Variants in LRRK2 observed in about 807,000 individuals in gnomAD.
LRRK2 encodes the protein leucine-rich repeat serine/threonine-protein kinase 2.
In LRRK2, 203 loss-of-function variants were observed where a neutral mutation model predicts 302.6. That is an observed-to-expected ratio of 0.67 (90% CI 0.60 to 0.75). The LOEUF (loss-of-function observed/expected upper bound fraction) is 0.75, where lower values mean the gene tolerates loss of function less well. LRRK2 is among the 30% of genes least tolerant of loss of function. LRRK2 has a pLI of 0.00. For missense variants in LRRK2, 2,830 were observed against 2,951.0 expected, an observed-to-expected ratio of 0.96 and a Z score of 0.95; for synonymous variants, 1,066 against 1,031.9, an observed-to-expected ratio of 1.03 and a Z score of -0.63.
At chr12:40,303,367 C>A (rs1305001955) in intron 26 of LRRK2, among the ~76,000 whole-genome samples, 1 of 152,098 alleles carries the variant, frequency 6.6e-6, no homozygotes, top group Non-Finnish European at 1.5e-5. Context: ...TTAATTGGAT[C>A]TTGAGTGTGT....
rs769368344 is a variant in LRRK2, at chr12:40,286,056, A to G, written c.2501-1295A>G. Among the ~76,000 whole-genome samples, 3 of 151,982 alleles carry G rather than the reference A, an allele frequency of 2.0e-5. No individual in the cohort carries two copies. The East Asian group carries it at 5.8e-4, about 29-fold the overall frequency. On this transcript the variant is annotated intron_variant, in intron 19 of 50. Transcript: ENST00000298910. ...TCCGATGGAGAGGAATTGTGGGCCCATTGGAGAGGGACAGAGGGAGATTTA... is the reference window on the plus strand; with the variant it reads ...TCCGATGGAGAGGAATTGTGGGCCCGTTGGAGAGGGACAGAGGGAGATTTA...
chr12:40,287,272 G>T lies in LRRK2; in HGVS notation c.2501-79G>T, dbSNP rs183838704. Reference sequence around the variant, plus strand: ...ATATTCTCCAGAAGCATAGCAATACGTAAGAACTTTGGTCCTATGTATGTT... The same window carrying T: ...ATATTCTCCAGAAGCATAGCAATACTTAAGAACTTTGGTCCTATGTATGTT... On this transcript the variant is annotated intron_variant, in intron 19 of 50. Transcript: ENST00000298910. 13 of 1,258,642 alleles carry T rather than the reference G, an allele frequency of 1.0e-5. No homozygotes were observed. The African/African-American group carries it at 1.3e-4, about 13-fold the overall frequency. 78.0% of individuals were successfully genotyped at this position (1,258,642 alleles called of 1,614,324 possible). A position where few individuals can be genotyped will look rare whatever the true frequency, so the allele number is the denominator to read the frequency against.
rs755655053 is a variant in LRRK2 at position 40,253,004 on chromosome 12, T to C, written c.1276T>C (p.Leu426=). 6.2e-7 allele frequency: 1 copy of C among 1,610,160 alleles called. No homozygotes were observed. Among genetic ancestry groups the C allele is most frequent in the South Asian group, 1.1e-5 (1 of 90,994 alleles). The change falls in exon 11 of 51, where the codon TTA becomes CTA. Residue 426 remains leucine, a synonymous_variant. Coordinates refer to ENST00000298910, the MANE Select transcript of LRRK2 (RefSeq NM_198578.4). The stretch of plus-strand genomic sequence containing the variant: ...ATCTGCGAATGCATTGTCAACTCTC[T>C]TAGAACAAAATGGTAAGCAGTGGGC... ...QASANALSTL[L]EQNVNFRKIL...
At chr12:40,353,406 C>T (rs1363239192) in intron 44 of LRRK2, among the ~76,000 whole-genome samples, 3 of 151,134 alleles carry the variant, frequency 2.0e-5, no homozygotes, top group South Asian at 2.1e-4. Flanking sequence ...CAGAGGCGCT[C>T]CCCACATCTC....
rs1448197169 is a variant in LRRK2, at chr12:40,346,685, T to C, written c.6110-68T>C. The C allele has an allele frequency of 4.9e-6, 7 of 1,442,162 alleles. No homozygotes were observed. The East Asian group carries it at 1.4e-4, about 28-fold the overall frequency. 89.3% of individuals were successfully genotyped at this position (1,442,162 alleles called of 1,614,324 possible). On this transcript the variant is annotated intron_variant, in intron 41 of 50. Transcript: ENST00000298910. The stretch of plus-strand genomic sequence containing the variant: ...TCTCTTATTTGGCATATAGCCTAAG[T>C]GTATGCCTCCTTGGATGTATGAGCC...
chr12:40,353,733 G>T (rs1444414019), intron 44 of LRRK2, among the ~76,000 whole-genome samples: 3 of 152,246 alleles, frequency 2.0e-5, no homozygotes, highest in African/African-American at 7.2e-5. Context: ...TGCAATCCCG[G>T]CACCTCGGGA....
At chr12:40,351,429 A>C (rs1033687409) in intron 43 of LRRK2, 110 bp from the exon 44 acceptor site, 7 of 939,392 alleles carry the variant, frequency 7.5e-6, no homozygotes, top group Non-Finnish European at 1.2e-5. Context: ...CCAGTTTAAC[A>C]GTTTTAGGTT....
At position 40,299,204 on chromosome 12, in the gene LRRK2, T is replaced by C. The variant is rs774993871; in HGVS notation, c.3443T>C (p.Phe1148Ser). The change falls in exon 25 of 51, where the codon TTT becomes TCT. Residue 1148 changes from phenylalanine to serine, a missense_variant. Physicochemically the swap from Phe to Ser is radical, Grantham distance 155. Around this residue, in one of 3 missense-constraint regions of LRRK2, gnomAD observed 2,121 missense variants for 2,148.0 expected, o/e 0.99. Coordinates refer to ENST00000298910, the MANE Select transcript of LRRK2 (RefSeq NM_198578.4). The part of the protein sequence containing the change: ...KNHISSLSEN[F>S]LEACPKVESF... ...CACATTTCATCCCTATCAGAGAACT[T>C]TCTTGAGGCTTGTCCTAAAGTGGAG... 5 of 1,613,690 alleles carry C rather than the reference T, an allele frequency of 3.1e-6. No homozygotes were observed. The highest frequency in any genetic ancestry group is 4.2e-6 in the Non-Finnish European group (5 of 1,179,822).
rs1000099362 is a variant in LRRK2, at chr12:40,308,956, C to T, written c.4190-150C>T. On this transcript the variant is annotated intron_variant, in intron 29 of 50. Coordinates refer to ENST00000298910, the MANE Select transcript of LRRK2 (RefSeq NM_198578.4). ...AAAAGTGGTCAATCCTAGTAAAAAC[C>T]CAGAATAGTTCTCTAAACATGGTCT... 5.1e-6 allele frequency: 5 copies of T among 986,312 alleles called. No homozygotes were observed. The South Asian group carries it at 8.3e-5, about 16-fold the overall frequency. The allele number at this position is 986,312 out of a possible 1,614,324, so 61.1% of individuals were successfully genotyped here. A position where few individuals can be genotyped will look rare whatever the true frequency, so the allele number is the denominator to read the frequency against.
In LRRK2 at chr12:40,354,127, C is replaced by T. The variant is rs7308626; in HGVS notation, c.6577-172C>T. Among the ~76,000 whole-genome samples, 116,910 of 152,208 alleles carry T rather than the reference C, an allele frequency of 0.77. 45,758 individuals carry two copies. The highest frequency in any genetic ancestry group is 0.86 in the Non-Finnish European group (58,173 of 68,014). ...TGTCATCTTGATAGGCAAAACTTGT[C>T]TGCCAATTAACTCATTTATTGCTGA... is the stretch of plus-strand genomic sequence containing the variant. On this transcript the variant is annotated intron_variant, in intron 44 of 50. Coordinates refer to ENST00000298910, the MANE Select transcript of LRRK2 (RefSeq NM_198578.4).
At chr12:40,256,443 C>G (rs1183739904) in intron 11 of LRRK2, among the ~76,000 whole-genome samples, 3 of 152,000 alleles carry the variant, frequency 2.0e-5, no homozygotes, top group Non-Finnish European at 4.4e-5. Flanking sequence ...GAGATGCTGT[C>G]ACAAAAAGAA....
At chr12:40,287,873 G>A (rs1347865012) in intron 20 of LRRK2, among the ~76,000 whole-genome samples, 1 of 151,758 alleles carries the variant, frequency 6.6e-6, no homozygotes, top group Non-Finnish European at 1.5e-5. Context: ...TAGTAATGTC[G>A]ACTTTGCAGG....
chr12:40,286,252 A>G (rs1282910169), intron 19 of LRRK2: 6 of 152,068 alleles, frequency 3.9e-5, no homozygotes, highest in Non-Finnish European at 4.4e-5. Context: ...AACATTTTTC[A>G]GGTAGTATTT....
chr12:40,367,662 C>G lies in LRRK2; in HGVS notation c.7481C>G (p.Thr2494Ser). ...QKQKEIQSCL[T>S]VWDINLPHEV... is the part of the protein sequence containing the mutation. ...TTTCTAGAGATACAATCTTGCTTGA[C>G]CGTTTGGGACATCAATCTTCCACAT... Residue 2494 changes from threonine to serine, a missense_variant, in exon 51 of 51, where the codon ACC becomes AGC. By Grantham distance (58) the Thr-to-Ser change is moderately conservative (BLOSUM62 1). Coordinates refer to ENST00000298910, the MANE Select transcript of LRRK2 (RefSeq NM_198578.4). 2 of 1,602,886 alleles carry G rather than the reference C, an allele frequency of 1.2e-6. No individual in the cohort carries two copies. Among genetic ancestry groups the G allele is most frequent in the Non-Finnish European group, 1.7e-6 (2 of 1,173,642 alleles).
chr12:40,302,459 T>C (rs1944666954), intron 25 of LRRK2, among the ~76,000 whole-genome samples: 1 of 152,106 alleles, frequency 6.6e-6, no homozygotes. Flanking sequence ...TTCTAGTTAA[T>C]CTATATGGTA....
chr12:40,225,878 T>C (rs1940850131), intron 2 of LRRK2, among the ~76,000 whole-genome samples: 1 of 152,038 alleles, frequency 6.6e-6, no homozygotes, highest in Admixed American at 6.6e-5. Context: ...AAACCAACAG[T>C]ATGGATGGTG....
At position 40,321,117 on chromosome 12, in the gene LRRK2, T is replaced by A; in HGVS notation, c.5099T>A (p.Phe1700Tyr). The A allele has an allele frequency of 6.2e-7, 1 of 1,612,966 alleles. No individual in the cohort carries two copies. Among genetic ancestry groups the A allele is most frequent in the Non-Finnish European group, 8.5e-7 (1 of 1,179,096 alleles). ...IIIRLYEMPY[F>Y]PMGFWSRLIN... ...ATCCGACTATATGAAATGCCTTATT[T>A]TCCAATGGGATTTTGGTCAAGATTA... is the stretch of plus-strand genomic sequence containing the variant. Residue 1700 changes from phenylalanine to tyrosine, a missense_variant, in exon 35 of 51, where the codon TTT becomes TAT. Physicochemically the swap from Phe to Tyr is conservative, Grantham distance 22. This residue lies in a region of LRRK2 where 2,121 missense variants were observed against 2,148.0 expected (regional missense o/e 0.99). Transcript: ENST00000298910.
chr12:40,352,209 CT>C (rs1205763011), intron 44 of LRRK2, among the ~76,000 whole-genome samples: 2 of 149,674 alleles, frequency 1.3e-5, no homozygotes, highest in Non-Finnish European at 1.5e-5. Context: ...CAAGGCATTT[CT>C]GGGCAAGCTG....
At chr12:40,235,552 C>CA (rs75759934) in intron 3 of LRRK2, 74 bp from the exon 4 acceptor site, 35 of 981,608 alleles carry the variant, frequency 3.6e-5, no homozygotes, top group Non-Finnish European at 5.0e-5. Flanking sequence ...AATAGGTGAG[C>CA]AAAAAAAATG....
Sources: gnomAD v4.1 joint callset for allele counts (sites outside exome capture counted in the v4.1 genomes callset) on GRCh38, gnomAD v4.1.1 for gene constraint, gnomAD v4.1.1 regional missense constraint, MANE v1.5 for transcripts, NCBI Gene and HGNC (gene_info 2026-07-23, HGNC 2026-07-21) for gene names.